Variants in NRG1 observed in about 807,000 individuals in gnomAD.
The protein encoded by NRG1 is pro-neuregulin-1, membrane-bound isoform.
A neutral mutation model predicts 63.8 loss-of-function variants in NRG1; 18 were observed. The observed-to-expected ratio is 0.28, with a 90% confidence interval of 0.19 to 0.42. The LOEUF (loss-of-function observed/expected upper bound fraction) is 0.42. NRG1 is among the 10% of genes least tolerant of loss of function. The pLI, the probability that NRG1 is intolerant of heterozygous loss-of-function variation, is 1.00. For missense variants in NRG1, 762 were observed against 814.7 expected (o/e 0.94, Z 0.79); for synonymous variants, 302 against 301.3 (o/e 1.00, Z -0.02).
chr8:32,342,394 C>G (rs1804187844), intron 1 of NRG1, among the ~76,000 whole-genome samples: 1 of 152,178 alleles, frequency 6.6e-6, no homozygotes, highest in Non-Finnish European at 1.5e-5. Flanking sequence ...GCCCTTTGCA[C>G]TGTCCCAGGC....
intron 1 of NRG1, among the ~76,000 whole-genome samples, chr8:32,275,669 G>A (rs993396067): frequency 4.6e-5 from 7 of 152,142 alleles, no homozygotes; most frequent in South Asian, 2.1e-4. Flanking sequence ...AGAAGTAACC[G>A]TACGTCAAAT....
intron 1 of NRG1, among the ~76,000 whole-genome samples, chr8:31,777,423 A>G (rs1819253947): frequency 6.6e-6 from 1 of 152,240 alleles, no homozygotes; most frequent in African/African-American, 2.4e-5. Context: ...ATCCAAGGTC[A>G]CAGAGTTGGG....
intron 1 of NRG1, among the ~76,000 whole-genome samples, chr8:32,386,805 T>C (rs183158768): frequency 6.6e-5 from 10 of 152,326 alleles, no homozygotes; most frequent in Admixed American, 3.9e-4. Flanking sequence ...GACCTACTCC[T>C]AGACCCATGC....
At chr8:32,705,677 G>A (rs532766738) in intron 5 of NRG1, among the ~76,000 whole-genome samples, 2 of 152,266 alleles carry the variant, frequency 1.3e-5, no homozygotes, top group African/African-American at 2.4e-5. Flanking sequence ...TTTGTGATCT[G>A]TAAAAATCAT....
chr8:32,704,157 C>A (rs573532900), intron 5 of NRG1, among the ~76,000 whole-genome samples: 1 of 152,294 alleles, frequency 6.6e-6, no homozygotes, highest in South Asian at 2.1e-4. Flanking sequence ...GGCAATGTTT[C>A]CTTAATTTCT....
At chr8:31,930,827 T>G (rs969066628) in intron 1 of NRG1, among the ~76,000 whole-genome samples, 1 of 152,214 alleles carries the variant, frequency 6.6e-6, no homozygotes, top group Non-Finnish European at 1.5e-5. Context: ...CTGCACTATA[T>G]GAATGAAGAA....
chr8:32,091,361 G>C (rs965618792), intron 1 of NRG1, among the ~76,000 whole-genome samples: 1 of 151,964 alleles, frequency 6.6e-6, no homozygotes, highest in African/African-American at 2.4e-5. Flanking sequence ...AACATTCAAT[G>C]ACATTTACAA....
At chr8:31,778,752 A>G (rs1207242982) in intron 1 of NRG1, among the ~76,000 whole-genome samples, 3 of 152,206 alleles carry the variant, frequency 2.0e-5, no homozygotes, top group Non-Finnish European at 4.4e-5. Flanking sequence ...GCTGAAGTGC[A>G]TTTTGCCTAT....
chr8:32,223,339 A>G (rs1010768657), intron 1 of NRG1, among the ~76,000 whole-genome samples: 1 of 152,168 alleles, frequency 6.6e-6, no homozygotes, highest in Admixed American at 6.5e-5. Flanking sequence ...TGCATTGCAA[A>G]GGTGTAATAC....
intron 1 of NRG1, among the ~76,000 whole-genome samples, chr8:32,302,558 G>A (rs1021333006): frequency 2.1e-5 from 3 of 144,126 alleles, no homozygotes; most frequent in African/African-American, 7.8e-5. Context: ...TTTGACTATT[G>A]ACTCACTATT....
At chr8:32,432,529 T>G (rs533298516) in intron 1 of NRG1, among the ~76,000 whole-genome samples, 65 of 152,290 alleles carry the variant, frequency 4.3e-4, no homozygotes, top group African/African-American at 1.5e-3. Context: ...TATTATTATT[T>G]TTGAGACAGA....
intron 1 of NRG1, among the ~76,000 whole-genome samples, chr8:31,816,271 ATGTCC>A (rs1823435903): frequency 6.6e-6 from 1 of 152,176 alleles, no homozygotes; most frequent in Non-Finnish European, 1.5e-5. Context: ...GGGGGAACAC[ATGTCC>A]TTAGCTCTGA....
intron 2 of NRG1, among the ~76,000 whole-genome samples, chr8:32,602,986 G>T (rs1844637357): frequency 6.6e-6 from 1 of 152,120 alleles, no homozygotes; most frequent in Non-Finnish European, 1.5e-5. Context: ...TTTAAAAGTT[G>T]TCATATTTTA....
intron 1 of NRG1, among the ~76,000 whole-genome samples, chr8:31,868,879 C>T (rs563158072): frequency 3.9e-5 from 6 of 152,206 alleles, no homozygotes; most frequent in Non-Finnish European, 8.8e-5. Flanking sequence ...ATTCCATGGT[C>T]TATGCACTTA....
intron 1 of NRG1, among the ~76,000 whole-genome samples, chr8:31,797,494 T>C (rs993761006): frequency 6.6e-6 from 1 of 152,178 alleles, no homozygotes; most frequent in Non-Finnish European, 1.5e-5. Flanking sequence ...AAAAGTGAGC[T>C]CTTATAGCCT....
At chr8:32,407,284 T>C (rs1208598642) in intron 1 of NRG1, among the ~76,000 whole-genome samples, 2 of 4,086 alleles carry the variant, frequency 4.9e-4, no homozygotes, top group Admixed American at 5.0e-3. Context: ...ATTATATATA[T>C]ATATATATAT....
At chr8:32,335,414 T>C (rs753888030) in intron 1 of NRG1, among the ~76,000 whole-genome samples, 1 of 152,214 alleles carries the variant, frequency 6.6e-6, no homozygotes, top group Admixed American at 6.5e-5. Context: ...AGGTAGGCAG[T>C]GCTCCTCGAG....
chr8:31,947,296 G>A (rs1388815997), intron 1 of NRG1, among the ~76,000 whole-genome samples: 1 of 134,028 alleles, frequency 7.5e-6, no homozygotes, highest in African/African-American at 3.5e-5. Context: ...GACAGAGTGA[G>A]ACTCCGTCTC....
At chr8:32,568,202 G>C (rs547108319) in intron 1 of NRG1, among the ~76,000 whole-genome samples, 2 of 152,306 alleles carry the variant, frequency 1.3e-5, no homozygotes, top group South Asian at 4.1e-4. Context: ...CTTGACAGTT[G>C]CTCCTACATG....
Sources: gnomAD v4.1 joint callset for allele counts (sites outside exome capture counted in the v4.1 genomes callset) on GRCh38, gnomAD v4.1.1 for gene constraint, MANE v1.5 for transcripts, NCBI Gene and HGNC (gene_info 2026-07-23, HGNC 2026-07-21) for gene names.